CLINT1: variants seen among roughly 807,000 people sequenced by gnomAD.
CLINT1 encodes the protein clathrin interacting protein localized in the trans-Golgi region.
In CLINT1, 15 loss-of-function variants were observed where a neutral mutation model predicts 70.4. The observed-to-expected ratio is 0.21, with a 90% confidence interval of 0.14 to 0.33. CLINT1 has a LOEUF of 0.33. Among genes scored for constraint, CLINT1 ranks in the 10% least tolerant of loss-of-function variants. The pLI is 1.00. For missense variants in CLINT1, 615 were observed against 778.1 expected (o/e 0.79, Z 2.49); for synonymous variants, 227 against 254.7 (o/e 0.89, Z 1.04).
At chr5:157,797,477 CCAGGTTT>C (rs1762102489) in intron 8 of CLINT1, among the ~76,000 whole-genome samples, 4 of 152,176 alleles carry the variant, frequency 2.6e-5, no homozygotes, top group African/African-American at 9.7e-5. Flanking sequence ...CCTCCGCCTG[CCAGGTTT>C]AAGTGATTCT....
chr5:157,834,098 T>G (rs1168794002), intron 1 of CLINT1, among the ~76,000 whole-genome samples: 1 of 151,942 alleles, frequency 6.6e-6, no homozygotes, highest in East Asian at 1.9e-4. Context: ...TCCTAGCACT[T>G]TGGGAGGCCA....
At position 157,789,296 on chromosome 5, in the gene CLINT1, G is replaced by A. The variant is rs1180439533; in HGVS notation, c.1531+67C>T. On this transcript the variant is annotated intron_variant, in intron 11 of 11. Coordinates refer to ENST00000411809, the MANE Select transcript of CLINT1 (RefSeq NM_014666.4). ...GATATATTTTTATTTATAGTTTGAAGTAGTCCTGGCATTAAGGCAAAAGAC... is the reference window on the plus strand; with the variant it reads ...GATATATTTTTATTTATAGTTTGAAATAGTCCTGGCATTAAGGCAAAAGAC... 4 of 1,297,884 alleles carry A rather than the reference G, an allele frequency of 3.1e-6. No individual in the cohort carries two copies. In the South Asian group the frequency reaches 4.7e-5, roughly 15 times the overall value. The allele number at this position is 1,297,884 out of a possible 1,614,324, so 80.4% of individuals were successfully genotyped here.
At chr5:157,811,053 A>G (rs933767193) in intron 5 of CLINT1, among the ~76,000 whole-genome samples, 2 of 152,218 alleles carry the variant, frequency 1.3e-5, no homozygotes, top group Non-Finnish European at 2.9e-5. Flanking sequence ...TTTTTTAAAA[A>G]AAGTGATTTT....
At chr5:157,794,791 C>T in intron 9 of CLINT1, 107 bp downstream of exon 9, 1 of 792,372 alleles carries the variant, frequency 1.3e-6, no homozygotes, top group Non-Finnish European at 2.1e-6. Context: ...ATTATGAATA[C>T]TACAAGGAGA....
intron 1 of CLINT1, among the ~76,000 whole-genome samples, chr5:157,846,134 G>A (rs182679024): frequency 1.0e-3 from 158 of 152,306 alleles, no homozygotes; most frequent in Non-Finnish European, 2.0e-3. Flanking sequence ...GTGAAAGGAA[G>A]AGCTGCACAT....
chr5:157,830,796 C>CTCTCTCTATA (rs1300619885), intron 1 of CLINT1, among the ~76,000 whole-genome samples: 53 of 85,716 alleles, frequency 6.2e-4, no homozygotes, highest in Middle Eastern at 6.8e-3. Flanking sequence ...CTCTCTCTCT[C>CTCTCTCTATA]TATATATATA....
chr5:157,851,810 C>A (rs1211304456), intron 1 of CLINT1, among the ~76,000 whole-genome samples: 1 of 151,986 alleles, frequency 6.6e-6, no homozygotes, highest in African/African-American at 2.4e-5. Flanking sequence ...TTTAATAATT[C>A]GTTAGCTAAA....
chr5:157,816,099 A>G (rs1342424106), intron 3 of CLINT1, among the ~76,000 whole-genome samples: 1 of 152,210 alleles, frequency 6.6e-6, no homozygotes, highest in Non-Finnish European at 1.5e-5. Context: ...TCAGAAAGAA[A>G]TAACAACAAA....
chr5:157,813,067 T>G lies in CLINT1; in HGVS notation c.513A>C (p.Arg171Ser), dbSNP rs117587724. Residue 171 changes from arginine (R) to serine (S), a missense_variant, in exon 5 of 12, where the codon AGA (arginine) becomes AGC (serine). This residue lies in a region of CLINT1 where 241 missense variants were observed against 368.6 expected (regional missense o/e 0.65). Coordinates refer to ENST00000411809, the MANE Select transcript of CLINT1 (RefSeq NM_014666.4). ...CAGCTTGTCTTTGATACTCACTGTA[T>G]CTGAATCCTCCAACACTGTCTGAGG... ...GVSSDSVGGFRYSERYDPEPK... is the reference protein window; with the variant it reads ...GVSSDSVGGFSYSERYDPEPK... The G allele has an allele frequency of 1.4e-5, 23 of 1,613,712 alleles. No homozygotes were observed. The East Asian group carries it at 4.2e-4, about 30-fold the overall frequency.
At chr5:157,823,729 A>G in intron 1 of CLINT1, 1 of 807,348 alleles carries the variant, frequency 1.2e-6, no homozygotes, top group Non-Finnish European at 1.5e-6. Context: ...TAATTTTTTT[A>G]ACATAAAACA....
intron 6 of CLINT1, among the ~76,000 whole-genome samples, chr5:157,807,743 G>A (rs1398955580): frequency 1.3e-5 from 2 of 151,884 alleles, no homozygotes; most frequent in East Asian, 3.8e-4. Context: ...AAAAATCATG[G>A]GAGAAACAGA....
chr5:157,835,109 T>C (rs901295873), intron 1 of CLINT1, among the ~76,000 whole-genome samples: 9 of 152,176 alleles, frequency 5.9e-5, no homozygotes, highest in Admixed American at 4.6e-4. Flanking sequence ...CTTTCTATAA[T>C]CTATTTGGTG....
At chr5:157,849,036 G>T (rs1210262428) in intron 1 of CLINT1, among the ~76,000 whole-genome samples, 1 of 152,126 alleles carries the variant, frequency 6.6e-6, no homozygotes, top group Non-Finnish European at 1.5e-5. Flanking sequence ...GACCTCAAGT[G>T]ATTTGCCCAC....
intron 1 of CLINT1, 127 bp downstream of exon 1, chr5:157,858,803 G>A: frequency 2.0e-6 from 2 of 1,021,248 alleles, no homozygotes; most frequent in Non-Finnish European, 2.8e-6. Flanking sequence ...GGAGCGGGCC[G>A]CCGCCATGAT....
chr5:157,825,708 T>A (rs1225381342), intron 1 of CLINT1, among the ~76,000 whole-genome samples: 1 of 152,170 alleles, frequency 6.6e-6, no homozygotes, highest in African/African-American at 2.4e-5. Context: ...GAAACTGGTA[T>A]AACTATTTTT....
intron 1 of CLINT1, among the ~76,000 whole-genome samples, chr5:157,834,582 A>C (rs1373402948): frequency 1.3e-5 from 2 of 152,098 alleles, no homozygotes; most frequent in Non-Finnish European, 2.9e-5. Flanking sequence ...CGTTTCCTTT[A>C]TGGGATGATT....
chr5:157,834,530 C>A (rs1427232439), intron 1 of CLINT1, among the ~76,000 whole-genome samples: 1 of 152,158 alleles, frequency 6.6e-6, no homozygotes, highest in African/African-American at 2.4e-5. Context: ...ATGATCAGGC[C>A]TCAACTTACC....
chr5:157,815,661 G>A (rs996367068), intron 3 of CLINT1, among the ~76,000 whole-genome samples: 4 of 152,134 alleles, frequency 2.6e-5, no homozygotes, highest in African/African-American at 7.2e-5. Flanking sequence ...TATGTTCTGC[G>A]TAATGTGCCA....
Position 157,817,063 on chromosome 5 carries a change from AAATT to A in CLINT1, c.147-237_147-234del, listed in dbSNP as rs1311460156. 7.9e-5 allele frequency among the ~76,000 whole-genome samples: 12 copies of A among 152,312 alleles called. 1 individual carries two copies. The highest frequency in any genetic ancestry group is 1.6e-4 in the Non-Finnish European group (11 of 68,020). On this transcript the variant is annotated intron_variant, in intron 2 of 11. Coordinates refer to ENST00000411809, the MANE Select transcript of CLINT1 (RefSeq NM_014666.4). Reference sequence around the variant, plus strand: ...AATACTTTGCAATTAATAATTAATTAAATTAATTAATATACTTTGCAAGCTCTTC... The same window carrying A: ...AATACTTTGCAATTAATAATTAATTAAATTAATATACTTTGCAAGCTCTTC...
Sources: allele counts gnomAD v4.1 joint callset (sites outside exome capture counted in the v4.1 genomes callset), GRCh38; gene constraint gnomAD v4.1.1; regional missense constraint gnomAD v4.1.1; transcripts MANE v1.5; gene names NCBI Gene and HGNC (gene_info 2026-07-23, HGNC 2026-07-21).